The following TBX2 variants were observed in gnomAD, a reference collection of about 807,000 sequenced individuals.
The protein encoded by TBX2 is T-box transcription factor TBX2.
TBX2 carries 19 observed loss-of-function variants against 48.4 expected under a neutral mutation model. The observed-to-expected ratio is 0.39, with a 90% CI of 0.27 to 0.58. The LOEUF is 0.58. TBX2 is among the 20% of genes least tolerant of loss of function. The probability of loss-of-function intolerance (pLI) is 0.54; values close to 1 mark genes in which losing one functional copy is unlikely to be tolerated. For synonymous variants in TBX2, 522 were observed against 459.7 expected (o/e 1.14, Z -1.73); for missense variants, 994 against 1,006.5 (o/e 0.99, Z 0.17).
In TBX2 at chr17:61,400,621, G is replaced by A. The variant is rs1396594653; in HGVS notation, c.395+50G>A. The A allele has an allele frequency of 5.3e-6, 8 of 1,510,024 alleles. No individual in the cohort carries two copies. The highest frequency in any genetic ancestry group is 2.8e-5 in the African/African-American group (2 of 71,718). 93.5% of individuals were successfully genotyped at this position (1,510,024 alleles called of 1,614,324 possible). A position where few individuals can be genotyped will look rare whatever the true frequency, so the allele number is the denominator to read the frequency against. On this transcript the variant is annotated intron_variant, in intron 1 of 6. Transcript: ENST00000240328. The surrounding 1 kb of genome is among the most constrained non-coding windows in gnomAD (Gnocchi z 9.2). ...GCGCGCGGGCGGGCGGGCGGGCTGG[G>A]GCACGGGACTGCACGGATCAGAGCA...
rs778364019 is a variant in TBX2, at chr17:61,401,697, C to A, written c.409C>A (p.Pro137Thr). The change falls in exon 2 of 7, where the codon CCC becomes ACC. Residue 137 changes from proline (P) to threonine (T), a missense_variant. Pro to Thr is a conservative substitution (Grantham distance 38). Transcript: ENST00000240328. ...CCTCCCTCCCAGGCGGATGTTCCCC[C>A]CCTTCAAGGTGCGAGTCAGCGGCCT... ...ITKSGRRMFP[P>T]FKVRVSGLDK... 3 of 1,612,246 alleles carry A rather than the reference C, an allele frequency of 1.9e-6. No homozygotes were observed. Among genetic ancestry groups the A allele is most frequent in the Non-Finnish European group, 2.5e-6 (3 of 1,179,498 alleles).
At position 61,406,911 on chromosome 17, in the gene TBX2, T is replaced by C. The variant is rs1002406974; in HGVS notation, c.1686+1075T>C. 1.8e-4 allele frequency: 27 copies of C among 152,244 alleles called. No homozygotes were observed. The highest frequency in any genetic ancestry group is 6.3e-4 in the African/African-American group (26 of 41,520). The allele number at this position is 152,244 out of a possible 1,614,324, so 9.4% of individuals were successfully genotyped here. ...CCAGAGGTTTAATCTGCACCCCTGA[T>C]TATTTGTGTATATGAATGCCTCCTC... On this transcript the variant is annotated intron_variant, in intron 6 of 6. Coordinates refer to ENST00000240328, the MANE Select transcript of TBX2 (RefSeq NM_005994.4). The surrounding 1 kb of genome is among the most constrained non-coding windows in gnomAD (Gnocchi z 5.7).
Position 61,404,521 on chromosome 17 carries a change from C to T in TBX2, c.887+24C>T, listed in dbSNP as rs746161316. 6 of 1,599,616 alleles carry T rather than the reference C, an allele frequency of 3.8e-6. No individual in the cohort carries two copies. In the Admixed American group the frequency reaches 1.0e-4, roughly 27 times the overall value. ...AGGTGAGAGGCCGAGGACAGCAGCC[C>T]TGTGGCGGGTGCCCGCGGGAGCAGC... is the stretch of plus-strand genomic sequence containing the variant. On this transcript the variant is annotated intron_variant, in intron 4 of 6. Transcript: ENST00000240328.
In TBX2 at chr17:61,400,654, G is replaced by T; in HGVS notation, c.395+83G>T. The T allele has an allele frequency of 1.5e-6, 2 of 1,368,024 alleles. No homozygotes were observed. The highest frequency in any genetic ancestry group is 1.4e-5 in the South Asian group (1 of 72,970). 84.7% of individuals were successfully genotyped at this position (1,368,024 alleles called of 1,614,324 possible). On this transcript the variant is annotated intron_variant, in intron 1 of 6. Transcript: ENST00000240328. The surrounding 1 kb of genome is among the most constrained non-coding windows in gnomAD (Gnocchi z 9.2). ...ACTGCACGGATCAGAGCAGAGCTGG[G>T]GACTCCCGGCTCCCGGCTCCCGGCT...
chr17:61,408,408 G>A lies in TBX2; in HGVS notation c.2041G>A (p.Ala681Thr). The change falls in exon 7 of 7, where the codon GCC becomes ACC. Residue 681 changes from alanine to threonine, a missense_variant. Ala to Thr is a moderately conservative substitution (Grantham distance 58). This residue lies in a region of TBX2 where 639 missense variants were observed against 613.2 expected (regional missense o/e 1.04). Transcript: ENST00000240328. ...CGGTGCCCTGTCGCCCAGTGGCTCG[G>A]CCAAGGAGGCGGCCAATGAACTGCA... ...SRGALSPSGS[A>T]KEAANELQSI... The A allele has an allele frequency of 6.5e-7, 1 of 1,546,422 alleles. No individual in the cohort carries two copies. The highest frequency in any genetic ancestry group is 8.7e-7 in the Non-Finnish European group (1 of 1,145,680).
rs571397737 is a variant in TBX2, at chr17:61,402,359, C to G, written c.663+408C>G. ...TGTCCATCACCCTTCTGCCAAGACC[C>G]GCGTCCCTGGCCCTCCCCCAAGACT... On this transcript the variant is annotated intron_variant, in intron 2 of 6. Coordinates refer to ENST00000240328, the MANE Select transcript of TBX2 (RefSeq NM_005994.4). Among the ~76,000 whole-genome samples the G allele has an allele frequency of 5.3e-4, 81 of 152,312 alleles. 1 individual carries two copies. Among genetic ancestry groups the G allele is most frequent in the Non-Finnish European group, 9.4e-4 (64 of 68,028 alleles).
chr17:61,407,606 C>G (rs1165594424), intron 6 of TBX2: 1 of 159,320 alleles, frequency 6.3e-6, no homozygotes, highest in African/African-American at 2.4e-5. Flanking sequence ...AGTGCCTTCC[C>G]CAGCATGTGT....
chr17:61,407,418 A>T (rs1426762432), intron 6 of TBX2: 1 of 152,274 alleles, frequency 6.6e-6, no homozygotes. Context: ...CTTGTCCAGG[A>T]GTTCCTGGCT....
rs892167767 is a variant in TBX2 at position 61,406,471 on chromosome 17, T to A, written c.1686+635T>A. On this transcript the variant is annotated intron_variant, in intron 6 of 6. Coordinates refer to ENST00000240328, the MANE Select transcript of TBX2 (RefSeq NM_005994.4). The surrounding 1 kb of genome is among the most constrained non-coding windows in gnomAD (Gnocchi z 5.7). ...TGAGAACTCAGCTCTTCAGGCCCCATTGAAATTCCAAGCTCCCAGGGGAGT... is the reference window on the plus strand; with the variant it reads ...TGAGAACTCAGCTCTTCAGGCCCCAATGAAATTCCAAGCTCCCAGGGGAGT... 1 of 152,104 alleles carries A rather than the reference T, an allele frequency of 6.6e-6. No homozygotes were observed. Among genetic ancestry groups the A allele is most frequent in the Non-Finnish European group, 1.5e-5 (1 of 68,038 alleles). 9.4% of individuals were successfully genotyped at this position (152,104 alleles called of 1,614,324 possible).
chr17:61,408,004 A>G, intron 6 of TBX2, 50 bp from the exon 7 acceptor site: 2 of 1,512,700 alleles, frequency 1.3e-6, no homozygotes, highest in Non-Finnish European at 1.8e-6. Context: ...CCAACTTCAG[A>G]AAGACTTCAG....
intron 2 of TBX2, among the ~76,000 whole-genome samples, chr17:61,402,594 C>CG (rs2060268394): frequency 6.6e-6 from 1 of 152,026 alleles, no homozygotes; most frequent in Admixed American, 6.6e-5. Context: ...GGTGAGCCCC[C>CG]GAAGGTTGGA....
intron 6 of TBX2, 51 bp downstream of exon 6, chr17:61,405,887 G>A: frequency 7.9e-7 from 1 of 1,269,182 alleles, no homozygotes; most frequent in Non-Finnish European, 9.9e-7. Context: ...GGCCCAGGGA[G>A]CTGGCGGCGA....
rs200545971 is a variant in TBX2 at position 61,401,740 on chromosome 17, A to G, written c.452A>G (p.Tyr151Cys). The G allele has an allele frequency of 1.1e-5, 17 of 1,612,900 alleles. No homozygotes were observed. Among genetic ancestry groups the G allele is most frequent in the Non-Finnish European group, 1.4e-5 (16 of 1,180,004 alleles). ...RVSGLDKKAKYILLMDIVAAD... is the reference protein window; with the variant it reads ...RVSGLDKKAKCILLMDIVAAD... ...AGCGGCCTGGACAAGAAGGCCAAGT[A>G]TATCCTGCTGATGGACATTGTAGCC... is the stretch of plus-strand genomic sequence containing the variant. The change falls in exon 2 of 7, where the codon TAT (tyrosine) becomes TGT (cysteine). Residue 151 changes from tyrosine (Y) to cysteine (C), a missense_variant. Tyr to Cys is a radical substitution (Grantham distance 194). Transcript: ENST00000240328.
intron 5 of TBX2, 38 bp from the exon 6 acceptor site, chr17:61,405,164 G>A: frequency 2.7e-6 from 4 of 1,469,524 alleles, no homozygotes; most frequent in Non-Finnish European, 3.6e-6. Flanking sequence ...GTCGGCCTCC[G>A]CCCAGGCCCC....
At chr17:61,402,547 G>A (rs1284656447) in intron 2 of TBX2, among the ~76,000 whole-genome samples, 2 of 152,052 alleles carry the variant, frequency 1.3e-5, no homozygotes, top group Non-Finnish European at 2.9e-5. Context: ...GTGTTTCATA[G>A]GGTAAAAGGA....
In TBX2 at chr17:61,404,612, G is replaced by A. The variant is rs1315508427; in HGVS notation, c.894G>A (p.Gln298=). 1.4e-5 allele frequency: 22 copies of A among 1,582,826 alleles called. No individual in the cohort carries two copies. Among genetic ancestry groups the A allele is most frequent in the Non-Finnish European group, 1.8e-5 (21 of 1,162,542 alleles). The change falls in exon 5 of 7, where the codon CAG becomes CAA. Residue 298 remains glutamine, a synonymous_variant. Coordinates refer to ENST00000240328, the MANE Select transcript of TBX2 (RefSeq NM_005994.4). ...TGNGRREKRK[Q]LTLPSLRLYE... ...TTCATCCGCTCATCCCCAGGAAGCA[G>A]CTGACGCTGCCGTCTCTACGCTTGT...
rs1603242026 is a variant in TBX2 at position 61,408,099 on chromosome 17, A to C, written c.1732A>C (p.Thr578Pro). The C allele has an allele frequency of 1.2e-6, 2 of 1,608,228 alleles. No individual in the cohort carries two copies. Among genetic ancestry groups the C allele is most frequent in the Non-Finnish European group, 1.7e-6 (2 of 1,178,238 alleles). ...CGGAGGCCTCTTCCCCTACCCCTAC[A>C]CCTACATGGCAGCAGCAGCCGCAGC... Reference protein sequence around the residue: ...TFGGLFPYPYTYMAAAAAAAS... With the variant: ...TFGGLFPYPYPYMAAAAAAAS... The change falls in exon 7 of 7, where the codon ACC becomes CCC. Residue 578 changes from threonine (T) to proline (P), a missense_variant. By Grantham distance (38) the Thr-to-Pro change is conservative. Around this residue, in one of 5 missense-constraint regions of TBX2, gnomAD observed 639 missense variants for 613.2 expected, o/e 1.04. Transcript: ENST00000240328.
chr17:61,400,090 C>A lies in TBX2; in HGVS notation c.-87C>A. ...CCCGCCACCCGGGTCGTCCGTCCAC[C>A]GCGCGCGCCGCCGCCCGGGCCGGGG... is the stretch of plus-strand genomic sequence containing the variant. On this transcript the variant is annotated 5_prime_UTR_variant, in exon 1 of 7. Coordinates refer to ENST00000240328, the MANE Select transcript of TBX2 (RefSeq NM_005994.4). This position sits in a 1 kb window ranked among gnomAD's most constrained non-coding sequence, Gnocchi z 9.2. 1.2e-5 allele frequency: 9 copies of A among 742,282 alleles called. No individual in the cohort carries two copies. The highest frequency in any genetic ancestry group is 1.5e-5 in the Non-Finnish European group (9 of 610,324). 46.0% of individuals were successfully genotyped at this position (742,282 alleles called of 1,614,324 possible).
chr17:61,404,093 G>T (rs1170338765), intron 3 of TBX2, among the ~76,000 whole-genome samples: 1 of 152,244 alleles, frequency 6.6e-6, no homozygotes, highest in Admixed American at 6.5e-5. Flanking sequence ...CTCGGGTGCG[G>T]AGTCGTTTAA....
Sources: gnomAD v4.1 joint callset for allele counts (sites outside exome capture counted in the v4.1 genomes callset) on GRCh38, gnomAD v4.1.1 for gene constraint, gnomAD v4.1.1 regional missense constraint, Gnocchi (gnomAD v3.1) non-coding constraint, MANE v1.5 for transcripts, NCBI Gene and HGNC (gene_info 2026-07-23, HGNC 2026-07-21) for gene names.